The following HMGN1 variants were observed in gnomAD, a reference collection of about 807,000 sequenced individuals.
HMGN1 encodes the protein non-histone chromosomal protein HMG-14.
In HMGN1, 9 loss-of-function variants were observed where a neutral mutation model predicts 18.4. That is an observed-to-expected ratio of 0.49 (90% CI 0.29 to 0.85). The LOEUF (loss-of-function observed/expected upper bound fraction) is 0.85, where lower values mean the gene tolerates loss of function less well. HMGN1 is among the 40% of genes least tolerant of loss of function. HMGN1 has a pLI of 0.07. For synonymous variants in HMGN1, 59 were observed against 45.0 expected, an observed-to-expected ratio of 1.31 and a Z score of -1.24; for missense variants, 151 against 119.2, an observed-to-expected ratio of 1.27 and a Z score of -1.24.
At chr21:39,346,155 C>A (rs556924445) in intron 4 of HMGN1, 18 of 367,362 alleles carry the variant, frequency 4.9e-5, no homozygotes, top group South Asian at 3.8e-4. Flanking sequence ...GTATAAAAGA[C>A]CCATACGGAT....
At chr21:39,346,725 G>T (rs1281816165) in intron 4 of HMGN1, 2 of 152,236 alleles carry the variant, frequency 1.3e-5, no homozygotes, top group African/African-American at 4.8e-5. Context: ...AAGTGCTTAC[G>T]TTCTGTTTAG....
At chr21:39,348,059 AT>A (rs2037122216) in intron 4 of HMGN1, 3 of 1,014,688 alleles carry the variant, frequency 3.0e-6, no homozygotes, top group African/African-American at 1.7e-5. Flanking sequence ...AATATTTAAT[AT>A]TTTTTGTCGT....
rs770306435 is a variant in HMGN1, at chr21:39,348,348, C to CA, written c.79-10dup. 7 of 1,614,134 alleles carry CA rather than the reference C, an allele frequency of 4.3e-6. No individual in the cohort carries two copies. Among genetic ancestry groups the CA allele is most frequent in the East Asian group, 2.2e-5 (1 of 44,872 alleles). On this transcript the variant is annotated splice_polypyrimidine_tract_variant and intron_variant, in intron 3 of 5. Coordinates refer to ENST00000380749, the MANE Select transcript of HMGN1 (RefSeq NM_004965.7). ...ACTTTTGCAGGAGGTTTCTGAAAGGCAAAAGCAGCACTGAGCGTCCTCACC... is the reference window on the plus strand; with the variant it reads ...ACTTTTGCAGGAGGTTTCTGAAAGGCAAAAAGCAGCACTGAGCGTCCTCACC...
At chr21:39,346,787 T>C (rs2037070100) in intron 4 of HMGN1, 1 of 152,232 alleles carries the variant, frequency 6.6e-6, no homozygotes, top group Non-Finnish European at 1.5e-5. Flanking sequence ...AGAAACGAGA[T>C]GTAAAAATGA....
At position 39,349,055 on chromosome 21, in the gene HMGN1, G is replaced by C; in HGVS notation, c.-138C>G. 1 of 987,720 alleles carries C rather than the reference G, an allele frequency of 1.0e-6. No homozygotes were observed. The highest frequency in any genetic ancestry group is 1.3e-6 in the Non-Finnish European group (1 of 781,850). 61.2% of individuals were successfully genotyped at this position (987,720 alleles called of 1,614,324 possible). On this transcript the variant is annotated 5_prime_UTR_variant, in exon 1 of 6. Transcript: ENST00000380749. ...CACTCCTCCCGCCGCCCGAGCTGCT[G>C]AGACCCACAGCGGGGGCGGTGGGAG...
Position 39,345,212 on chromosome 21 carries a change from G to T in HMGN1, c.189C>A (p.Ala63=). The change falls in exon 5 of 6, where the codon GCC becomes GCA. Residue 63 remains alanine, a synonymous_variant. Coordinates refer to ENST00000380749, the MANE Select transcript of HMGN1 (RefSeq NM_004965.7). The part of the protein sequence containing the change: ...KGKRGAKGKQ[A]EVANQETKED... ...CTTTAGTTTCTTGGTTAGCCACTTCGGCCTGTTTTCCCTTTGCTCCCCTTT... is the reference window on the plus strand; with the variant it reads ...CTTTAGTTTCTTGGTTAGCCACTTCTGCCTGTTTTCCCTTTGCTCCCCTTT... The T allele has an allele frequency of 6.2e-7, 1 of 1,613,200 alleles. No homozygotes were observed. The highest frequency in any genetic ancestry group is 1.3e-5 in the African/African-American group (1 of 74,808).
chr21:39,348,009 A>T (rs2037119271), intron 4 of HMGN1: 1 of 1,193,700 alleles, frequency 8.4e-7, no homozygotes, highest in Non-Finnish European at 1.1e-6. Flanking sequence ...CACCAGCCAC[A>T]ATGTACGCAA....
chr21:39,347,761 CA>C, intron 4 of HMGN1: 1 of 286,208 alleles, frequency 3.5e-6, no homozygotes, highest in Non-Finnish European at 6.6e-6. Flanking sequence ...AGGGAGCAGC[CA>C]AAATCACGGT....
intron 4 of HMGN1, chr21:39,347,303 AAACATAGTT>A: frequency 1.0e-6 from 1 of 971,004 alleles, no homozygotes; most frequent in South Asian, 2.0e-5. Flanking sequence ...CTGTTAAAGA[AAACATAGTT>A]AACATTTTTA....
intron 4 of HMGN1, chr21:39,347,747 T>G (rs1250336485): frequency 3.7e-6 from 1 of 267,632 alleles, no homozygotes; most frequent in East Asian, 1.1e-4. Flanking sequence ...ATCACGAATT[T>G]GTTAGGGAGC....
chr21:39,344,439 C>T (rs2036972990), intron 5 of HMGN1: 1 of 151,980 alleles, frequency 6.6e-6, no homozygotes, highest in Admixed American at 6.6e-5. Flanking sequence ...TACTAAATTA[C>T]TTATCTTTTC....
chr21:39,343,996 T>G (rs1315142828), intron 5 of HMGN1, among the ~76,000 whole-genome samples: 1 of 152,204 alleles, frequency 6.6e-6, no homozygotes, highest in Admixed American at 6.5e-5. Context: ...GGCTCACACC[T>G]GTAATACCAG....
At chr21:39,345,798 A>G in intron 4 of HMGN1, 1 of 1,294,250 alleles carries the variant, frequency 7.7e-7, no homozygotes, top group South Asian at 1.2e-5. Context: ...CTGTCCTCAC[A>G]AGACCTTAAC....
Position 39,349,049 on chromosome 21 carries a change from G to T in HMGN1, c.-132C>A. On this transcript the variant is annotated 5_prime_UTR_variant, in exon 1 of 6. Coordinates refer to ENST00000380749, the MANE Select transcript of HMGN1 (RefSeq NM_004965.7). ...CGCTGCCACTCCTCCCGCCGCCCGAGCTGCTGAGACCCACAGCGGGGGCGG... is the reference window on the plus strand; with the variant it reads ...CGCTGCCACTCCTCCCGCCGCCCGATCTGCTGAGACCCACAGCGGGGGCGG... The T allele has an allele frequency of 6.8e-6, 7 of 1,035,914 alleles. No individual in the cohort carries two copies. The highest frequency in any genetic ancestry group is 7.3e-6 in the Non-Finnish European group (6 of 824,548). 64.2% of individuals were successfully genotyped at this position (1,035,914 alleles called of 1,614,324 possible).
chr21:39,348,609 G>C, intron 1 of HMGN1, 32 bp from the exon 2 acceptor site: 1 of 1,562,948 alleles, frequency 6.4e-7, no homozygotes, highest in Non-Finnish European at 8.6e-7. Flanking sequence ...AATAGAGGCG[G>C]GCCGCAGTCC....
In HMGN1 at chr21:39,348,520, CCCCCCGCAGAA is replaced by C. The variant is rs759485251; in HGVS notation, c.48+14_48+24del. On this transcript the variant is annotated intron_variant, in intron 2 of 5. Transcript: ENST00000380749. ...CCAGCGGCTCACGGGAAACCCACCA[CCCCCCGCAGAA>C]GGCCCGCACTCACCTCTTCCTTGGC... is the stretch of plus-strand genomic sequence containing the variant. 1.2e-6 allele frequency: 2 copies of C among 1,613,398 alleles called. No individual in the cohort carries two copies. Among genetic ancestry groups the C allele is most frequent in the East Asian group, 4.5e-5 (2 of 44,850 alleles).
chr21:39,348,106 G>A, intron 4 of HMGN1, 186 bp downstream of exon 4: 1 of 890,858 alleles, frequency 1.1e-6, no homozygotes, highest in African/African-American at 1.7e-5. Context: ...GCATTAGTGT[G>A]ATATAGTTCT....
At chr21:39,348,211 C>T (rs1416231636) in intron 4 of HMGN1, 81 bp downstream of exon 4, 10 of 1,529,814 alleles carry the variant, frequency 6.5e-6, no homozygotes, top group Non-Finnish European at 9.0e-6. Flanking sequence ...GCTCCAATAG[C>T]TAATCAAAAT....
intron 4 of HMGN1, chr21:39,345,998 T>C (rs1397749257): frequency 4.8e-6 from 6 of 1,247,252 alleles, no homozygotes; most frequent in East Asian, 5.6e-5. Context: ...ACTAACTTGA[T>C]ACATTAAGTT....
Sources: gnomAD v4.1 joint callset for allele counts (sites outside exome capture counted in the v4.1 genomes callset) on GRCh38, gnomAD v4.1.1 for gene constraint, MANE v1.5 for transcripts, NCBI Gene and HGNC (gene_info 2026-07-23, HGNC 2026-07-21) for gene names.